Variants in ARHGEF11 observed in about 807,000 individuals in gnomAD.
ARHGEF11 encodes the protein Rho guanine nucleotide exchange factor 11, also known as Rho guanine exchange factor (GEF) 11.
ARHGEF11 carries 55 observed loss-of-function variants against 193.7 expected under a neutral mutation model. The observed-to-expected ratio is 0.28, with a 90% CI of 0.23 to 0.36. The LOEUF is 0.36. ARHGEF11 is among the 10% of genes least tolerant of loss of function. The pLI, the probability that ARHGEF11 is intolerant of heterozygous loss-of-function variation, is 1.00. For missense variants in ARHGEF11, 1,723 were observed against 2,005.6 expected, an observed-to-expected ratio of 0.86 and a Z score of 2.69; for synonymous variants, 693 against 768.0, an observed-to-expected ratio of 0.90 and a Z score of 1.62.
At chr1:157,030,340 C>A (rs1671145926) in intron 1 of ARHGEF11, among the ~76,000 whole-genome samples, 1 of 152,116 alleles carries the variant, frequency 6.6e-6, no homozygotes, top group South Asian at 2.1e-4. Context: ...TCTTTCCCAG[C>A]CTCACTGAAA....
At chr1:156,968,865 C>CA (rs975830347) in intron 10 of ARHGEF11, among the ~76,000 whole-genome samples, 20 of 151,960 alleles carry the variant, frequency 1.3e-4, no homozygotes, top group African/African-American at 1.9e-4. Context: ...AGATCCACAG[C>CA]AAAAAAAGAC....
intron 1 of ARHGEF11, among the ~76,000 whole-genome samples, chr1:157,036,921 T>C: frequency 6.6e-6 from 1 of 150,736 alleles, no homozygotes; most frequent in Admixed American, 6.6e-5. Context: ...AGATCAGGAG[T>C]TTGAGACTAG....
Position 156,944,164 on chromosome 1 carries a change from T to C in ARHGEF11, c.3068-62A>G, listed in dbSNP as rs559353050. The C allele has an allele frequency of 5.7e-6, 9 of 1,571,486 alleles. No homozygotes were observed. In the South Asian group the frequency reaches 9.4e-5, roughly 16 times the overall value. On this transcript the variant is annotated intron_variant, in intron 31 of 40. Transcript: ENST00000368194. ...GCCTACTCATCCCTCATGAGCACAA[T>C]GCAGGGCCACAGGCTCTTGGAGGCT...
chr1:156,957,928 G>A, intron 17 of ARHGEF11, 113 bp from the exon 18 acceptor site: 2 of 935,188 alleles, frequency 2.1e-6, no homozygotes, highest in Admixed American at 3.6e-5. Flanking sequence ...GTTAGTGGGG[G>A]AAAAGGAGAG....
chr1:156,979,101 G>C, intron 5 of ARHGEF11, 128 bp downstream of exon 5: 1 of 818,814 alleles, frequency 1.2e-6, no homozygotes, highest in Non-Finnish European at 2.1e-6. Context: ...TTAAAGATGT[G>C]ACTTTAGCTG....
chr1:156,963,170 G>C, intron 13 of ARHGEF11, 33 bp downstream of exon 13: 1 of 1,540,108 alleles, frequency 6.5e-7, no homozygotes, highest in Non-Finnish European at 9.0e-7. Context: ...AGTACCAGCA[G>C]GCACTCAATC....
chr1:156,945,904 G>C, intron 29 of ARHGEF11, 141 bp downstream of exon 29: 1 of 644,574 alleles, frequency 1.6e-6, no homozygotes, highest in South Asian at 2.0e-5. Flanking sequence ...TTTCTTCTCT[G>C]AAACACCCCA....
chr1:156,985,348 T>C (rs1053099096), intron 2 of ARHGEF11, among the ~76,000 whole-genome samples: 2 of 152,238 alleles, frequency 1.3e-5, no homozygotes, highest in Admixed American at 6.5e-5. Context: ...GTATACATCA[T>C]GTGCTTAACA....
intron 1 of ARHGEF11, among the ~76,000 whole-genome samples, chr1:156,999,128 T>C (rs1287922482): frequency 6.6e-6 from 1 of 152,212 alleles, no homozygotes; most frequent in African/African-American, 2.4e-5. Context: ...ACTCTGCCCT[T>C]ATCTTTTTAT....
At chr1:157,020,222 T>C (rs1035337713) in intron 1 of ARHGEF11, among the ~76,000 whole-genome samples, 4 of 152,180 alleles carry the variant, frequency 2.6e-5, no homozygotes, top group Middle Eastern at 3.4e-3. Flanking sequence ...ATTGTGGGGA[T>C]AGTGTCACAG....
chr1:157,024,877 T>C (rs1200039808), intron 1 of ARHGEF11, among the ~76,000 whole-genome samples: 2 of 152,256 alleles, frequency 1.3e-5, no homozygotes, highest in Admixed American at 6.5e-5. Context: ...AGTTCTCTCA[T>C]GTTTTCTCTT....
chr1:157,040,466 A>G (rs952667364), intron 1 of ARHGEF11, among the ~76,000 whole-genome samples: 1 of 152,256 alleles, frequency 6.6e-6, no homozygotes, highest in East Asian at 1.9e-4. Flanking sequence ...TGGAGATCAC[A>G]GAACAAATCC....
chr1:156,971,175 A>T (rs1266636856), intron 8 of ARHGEF11, among the ~76,000 whole-genome samples: 1 of 152,240 alleles, frequency 6.6e-6, no homozygotes, highest in Non-Finnish European at 1.5e-5. Context: ...ATAAAGAATC[A>T]TCTACTCTCT....
chr1:157,022,364 G>A (rs980850089), intron 1 of ARHGEF11, among the ~76,000 whole-genome samples: 6 of 152,226 alleles, frequency 3.9e-5, no homozygotes, highest in Admixed American at 3.9e-4. Flanking sequence ...GAATTCAATT[G>A]TATTTCTATA....
At chr1:156,994,206 C>T (rs1484230323) in intron 1 of ARHGEF11, among the ~76,000 whole-genome samples, 3 of 152,170 alleles carry the variant, frequency 2.0e-5, no homozygotes, top group Admixed American at 6.5e-5. Flanking sequence ...ATGTCTTATT[C>T]ATCCTTGTAT....
chr1:157,011,277 T>A (rs889658996), intron 1 of ARHGEF11, among the ~76,000 whole-genome samples: 3 of 152,158 alleles, frequency 2.0e-5, no homozygotes, highest in Admixed American at 6.5e-5. Flanking sequence ...CAACTGGATA[T>A]CCACATGCAA....
chr1:156,962,878 C>CAAAAAAA, intron 13 of ARHGEF11, among the ~76,000 whole-genome samples: 1 of 21,286 alleles, frequency 4.7e-5, no homozygotes, highest in Non-Finnish European at 9.0e-5. Context: ...GACTCCGTCT[C>CAAAAAAA]AAAAAAAAAA....
At position 156,972,232 on chromosome 1, in the gene ARHGEF11, G is replaced by A. The variant is rs541968056; in HGVS notation, c.583-416C>T. Among the ~76,000 whole-genome samples the A allele has an allele frequency of 5.3e-5, 8 of 152,274 alleles. No individual in the cohort carries two copies. The South Asian group carries it at 1.2e-3, about 24-fold the overall frequency. On this transcript the variant is annotated intron_variant, in intron 7 of 40. Transcript: ENST00000368194. ...ACAAGAAATGAGAGGAAGCAGTGTCGACTACAACAGCCAATGCCTGTGCCA... is the reference window on the plus strand; with the variant it reads ...ACAAGAAATGAGAGGAAGCAGTGTCAACTACAACAGCCAATGCCTGTGCCA...
Position 156,965,310 on chromosome 1 carries a change from C to T in ARHGEF11, c.964-1716G>A, listed in dbSNP as rs372799592. Among the ~76,000 whole-genome samples, 130 of 152,200 alleles carry T rather than the reference C, an allele frequency of 8.5e-4. 3 individuals carry two copies. The South Asian group carries it at 0.027, about 31-fold the overall frequency. ...AACCCCTTAGCAAACTGAACTTGGT[C>T]CTTTAGTTCTACAAAGATAGGGGTA... On this transcript the variant is annotated intron_variant, in intron 11 of 40. Coordinates refer to ENST00000368194, the MANE Select transcript of ARHGEF11 (RefSeq NM_198236.3).
Sources: allele counts gnomAD v4.1 joint callset (sites outside exome capture counted in the v4.1 genomes callset), GRCh38; gene constraint gnomAD v4.1.1; transcripts MANE v1.5; gene names NCBI Gene and HGNC (gene_info 2026-07-23, HGNC 2026-07-21).